Variants in LMBRD1 observed in about 807,000 individuals in gnomAD.
LMBRD1 encodes the protein lysosomal cobalamin transport escort protein LMBD1.
A neutral mutation model predicts 74.8 loss-of-function variants in LMBRD1; 64 were observed. That is an observed-to-expected ratio of 0.86 (90% CI 0.70 to 1.05). The LOEUF (loss-of-function observed/expected upper bound fraction) is 1.05. Among genes scored for constraint, LMBRD1 ranks in the 50% least tolerant of loss-of-function variants. The pLI is 0.00. For missense variants in LMBRD1, 652 were observed against 645.9 expected, an observed-to-expected ratio of 1.01 and a Z score of -0.10; for synonymous variants, 204 against 216.3, an observed-to-expected ratio of 0.94 and a Z score of 0.50.
intron 3 of LMBRD1, among the ~76,000 whole-genome samples, chr6:69,758,000 C>A (rs1765302089): frequency 6.6e-6 from 1 of 151,866 alleles, no homozygotes; most frequent in Non-Finnish European, 1.5e-5. Context: ...CGAGAACTAG[C>A]AAAAAACAAG....
intron 7 of LMBRD1, 55 bp downstream of exon 7, chr6:69,737,887 G>C: frequency 9.1e-7 from 1 of 1,094,350 alleles, no homozygotes; most frequent in Non-Finnish European, 1.4e-6. Context: ...AATTACTAAG[G>C]TAAAAAAATT....
At chr6:69,793,221 T>C (rs936598018) in intron 1 of LMBRD1, among the ~76,000 whole-genome samples, 3 of 152,192 alleles carry the variant, frequency 2.0e-5, no homozygotes, top group Admixed American at 6.5e-5. Flanking sequence ...TCCCAAAAGA[T>C]TCAAAATAAA....
chr6:69,679,703 C>G (rs911031011), intron 14 of LMBRD1, among the ~76,000 whole-genome samples: 4 of 152,102 alleles, frequency 2.6e-5, no homozygotes, highest in African/African-American at 7.2e-5. Context: ...GCTCCGGACT[C>G]TGACAGACTT....
intron 3 of LMBRD1, among the ~76,000 whole-genome samples, chr6:69,765,352 A>G (rs908207917): frequency 6.6e-6 from 1 of 152,174 alleles, no homozygotes; most frequent in East Asian, 1.9e-4. Context: ...CAACTTTCCC[A>G]GCAAAAATTT....
At chr6:69,701,007 T>G in intron 11 of LMBRD1, 138 bp from the exon 12 acceptor site, 1 of 597,098 alleles carries the variant, frequency 1.7e-6, no homozygotes, top group East Asian at 3.8e-5. Flanking sequence ...TAGGCTACTG[T>G]GCTTAAAAAA....
intron 2 of LMBRD1, among the ~76,000 whole-genome samples, chr6:69,789,333 G>A (rs1414507189): frequency 3.9e-5 from 6 of 152,064 alleles, no homozygotes; most frequent in African/African-American, 1.4e-4. Context: ...GACCAGCCTG[G>A]CCAACATGGC....
At chr6:69,768,849 AT>A (rs893018708) in intron 3 of LMBRD1, among the ~76,000 whole-genome samples, 29 of 148,334 alleles carry the variant, frequency 2.0e-4, no homozygotes, top group Admixed American at 2.7e-4. Context: ...AGAAATCTTT[AT>A]TTTTTTTTTC....
chr6:69,702,391 T>C (rs968307188), intron 9 of LMBRD1, among the ~76,000 whole-genome samples: 11 of 151,826 alleles, frequency 7.2e-5, no homozygotes, highest in African/African-American at 2.7e-4. Context: ...TAATAATATA[T>C]ATAAATGATA....
At chr6:69,780,462 C>T (rs376906977) in intron 3 of LMBRD1, 32 bp downstream of exon 3, 1 of 1,535,502 alleles carries the variant, frequency 6.5e-7, no homozygotes, top group Non-Finnish European at 9.0e-7. Flanking sequence ...GGTTAGCAGT[C>T]CAAATAGGGA....
chr6:69,702,609 T>C (rs79580747), intron 9 of LMBRD1, among the ~76,000 whole-genome samples: 1,532 of 151,996 alleles, frequency 0.01, 54 homozygotes, highest in Admixed American at 0.062. Flanking sequence ...GGAAGAAAAA[T>C]ATTATAACTG....
At chr6:69,794,361 T>C (rs1428886537) in intron 1 of LMBRD1, among the ~76,000 whole-genome samples, 1 of 152,206 alleles carries the variant, frequency 6.6e-6, no homozygotes, top group Admixed American at 6.5e-5. Flanking sequence ...AATTCAACCC[T>C]TGACTCTTTT....
chr6:69,690,366 C>G (rs184771428), intron 14 of LMBRD1, among the ~76,000 whole-genome samples: 2 of 152,138 alleles, frequency 1.3e-5, no homozygotes, highest in Admixed American at 6.5e-5. Context: ...CTAAACTCTA[C>G]ATTCTCCCTC....
chr6:69,681,462 G>C (rs1765658297), intron 14 of LMBRD1, among the ~76,000 whole-genome samples: 1 of 151,434 alleles, frequency 6.6e-6, no homozygotes, highest in Non-Finnish European at 1.5e-5. Context: ...AGATAACTTT[G>C]GTTAAGTAGA....
chr6:69,742,298 G>C (rs1767122422), intron 5 of LMBRD1, among the ~76,000 whole-genome samples: 1 of 152,088 alleles, frequency 6.6e-6, no homozygotes, highest in South Asian at 2.1e-4. Flanking sequence ...AAATACATTA[G>C]AATAAACAGT....
chr6:69,780,860 GA>G (rs1272178470), intron 2 of LMBRD1, among the ~76,000 whole-genome samples: 1 of 152,118 alleles, frequency 6.6e-6, no homozygotes, highest in Non-Finnish European at 1.5e-5. Flanking sequence ...CAGGGAAACA[GA>G]AAATAGTAGG....
At chr6:69,692,433 TAAAATAATTAAGCAGGGC>T (rs1474182790) in intron 14 of LMBRD1, among the ~76,000 whole-genome samples, 1 of 152,122 alleles carries the variant, frequency 6.6e-6, no homozygotes, top group Non-Finnish European at 1.5e-5. Flanking sequence ...ATAACAAAGA[TAAAATAATTAAGCAGGGC>T]AGCAGAAATA....
chr6:69,727,593 A>C (rs1413107242), intron 7 of LMBRD1, among the ~76,000 whole-genome samples: 3 of 152,226 alleles, frequency 2.0e-5, no homozygotes. Flanking sequence ...TACTGGGTAC[A>C]ACATTCACAA....
chr6:69,786,322 C>T (rs771483183), intron 2 of LMBRD1, among the ~76,000 whole-genome samples: 1 of 152,114 alleles, frequency 6.6e-6, no homozygotes, highest in Non-Finnish European at 1.5e-5. Context: ...GCCCAGACAT[C>T]TAATAACAGT....
chr6:69,783,733 T>A (rs1305887941), intron 2 of LMBRD1, among the ~76,000 whole-genome samples: 1 of 152,126 alleles, frequency 6.6e-6, no homozygotes, highest in East Asian at 1.9e-4. Flanking sequence ...ATAACAACTA[T>A]CTTTTTTTTA....
Sources: gnomAD v4.1 joint callset for allele counts (sites outside exome capture counted in the v4.1 genomes callset) on GRCh38, gnomAD v4.1.1 for gene constraint, MANE v1.5 for transcripts, NCBI Gene and HGNC (gene_info 2026-07-23, HGNC 2026-07-21) for gene names.